The following POMZP3 variants were observed in gnomAD, a reference collection of about 807,000 sequenced individuals.
POMZP3 encodes the protein POM121 and ZP3 fusion protein.
In POMZP3, 10 loss-of-function variants were observed where a neutral mutation model predicts 19.8. That is an observed-to-expected ratio of 0.51 (90% CI 0.31 to 0.86). The LOEUF (loss-of-function observed/expected upper bound fraction) is 0.86. POMZP3 is among the 40% of genes least tolerant of loss of function. The pLI is 0.04. For synonymous variants in POMZP3, 57 were observed against 85.8 expected (o/e 0.66, Z 1.85); for missense variants, 152 against 228.1 (o/e 0.67, Z 2.15).
intron 3 of POMZP3, chr7:76,621,402 C>G (rs911147707): frequency 2.0e-5 from 3 of 146,450 alleles, no homozygotes; most frequent in African/African-American, 7.8e-5. Context: ...GGTTCTACAT[C>G]AGAACCTTCA....
Position 76,626,001 on chromosome 7 carries a change from T to C in POMZP3, c.64A>G (p.Ile22Val). 1 of 1,613,828 alleles carries C rather than the reference T, an allele frequency of 6.2e-7. No individual in the cohort carries two copies. The highest frequency in any genetic ancestry group is 8.5e-7 in the Non-Finnish European group (1 of 1,179,764). Residue 22 changes from isoleucine (I) to valine (V), a missense_variant and splice_region_variant, in exon 2 of 7, where the codon ATA (isoleucine) becomes GTA (valine). Physicochemically the swap from Ile to Val is conservative, Grantham distance 29. Around this residue, in one of 4 missense-constraint regions of POMZP3, gnomAD observed 70 missense variants for 64.1 expected, o/e 1.09. Coordinates refer to ENST00000310842, the MANE Select transcript of POMZP3 (RefSeq NM_012230.5). ...TATTCTTCCAACGATAATACTCACA[T>C]CGCAGAACGCGAAAATCTTCTGTCA... ...PPDRRFSRSA[I>V]PEQIISSTLS...
intron 3 of POMZP3, among the ~76,000 whole-genome samples, chr7:76,623,812 GAA>G (rs940858165): frequency 9.9e-5 from 15 of 151,798 alleles, no homozygotes; most frequent in Middle Eastern, 3.4e-3. Flanking sequence ...CAAAAAAAAA[GAA>G]AGAGAGAGAG....
chr7:76,611,934 C>G, intron 4 of POMZP3, 121 bp from the exon 5 acceptor site: 4 of 1,527,122 alleles, frequency 2.6e-6, no homozygotes, highest in Middle Eastern at 2.4e-4. Context: ...TGCGATGGCA[C>G]ACACCTATAA....
chr7:76,619,125 G>A lies in POMZP3; in HGVS notation c.228-825C>T, dbSNP rs1754211. Among the ~76,000 whole-genome samples, 204 of 152,082 alleles carry A rather than the reference G, an allele frequency of 1.3e-3. 2 individuals are homozygous for A. Among genetic ancestry groups the A allele is most frequent in the Middle Eastern group, 3.4e-3 (1 of 294 alleles). Reference sequence around the variant, plus strand: ...ATTTAGAGAGGGCTGTCAGCTGGGCGCAGTGGCTCATGCCTCTAATCCCAG... The same window carrying A: ...ATTTAGAGAGGGCTGTCAGCTGGGCACAGTGGCTCATGCCTCTAATCCCAG... On this transcript the variant is annotated intron_variant, in intron 3 of 6. Coordinates refer to ENST00000310842, the MANE Select transcript of POMZP3 (RefSeq NM_012230.5).
At position 76,611,544 on chromosome 7, in the gene POMZP3, T is replaced by C. The variant is rs1354505365; in HGVS notation, c.485A>G (p.Lys162Arg). 2.5e-6 allele frequency: 4 copies of C among 1,604,708 alleles called. No individual in the cohort carries two copies. In the Admixed American group the frequency reaches 6.7e-5, roughly 27 times the overall value. The change falls in exon 6 of 7, where the codon AAA becomes AGA. Residue 162 changes from lysine (K) to arginine (R), a missense_variant. Lys to Arg is a conservative substitution (Grantham distance 26). Transcript: ENST00000310842. ...GLADICQCCN[K>R]GDCGTPSHSR... Reference sequence around the variant, plus strand: ...ATGGCTTGGAGTGCCACAGTCACCTTTGTTACAGCATTGACAGATGTCAGC... The same window carrying C: ...ATGGCTTGGAGTGCCACAGTCACCTCTGTTACAGCATTGACAGATGTCAGC...
In POMZP3 at chr7:76,626,785, C is replaced by T. The variant is rs904732365; in HGVS notation, c.-229G>A. ...AAAAGTGGTGAACGCGATGGGTCGGCGGGGAGGGCGGTGTGGAGCGCGGCG... is the reference window on the plus strand; with the variant it reads ...AAAAGTGGTGAACGCGATGGGTCGGTGGGGAGGGCGGTGTGGAGCGCGGCG... On this transcript the variant is annotated 5_prime_UTR_variant, in exon 1 of 7. Coordinates refer to ENST00000310842, the MANE Select transcript of POMZP3 (RefSeq NM_012230.5). The T allele has an allele frequency of 1.6e-5, 16 of 981,706 alleles. No individual in the cohort carries two copies. In the African/African-American group the frequency reaches 4.5e-4, roughly 28 times the overall value. 60.8% of individuals were successfully genotyped at this position (981,706 alleles called of 1,614,324 possible).
chr7:76,626,189 A>C lies in POMZP3; in HGVS notation c.-125T>G. The C allele has an allele frequency of 6.4e-7, 1 of 1,571,512 alleles. No homozygotes were observed. The highest frequency in any genetic ancestry group is 8.6e-7 in the Non-Finnish European group (1 of 1,157,390). On this transcript the variant is annotated 5_prime_UTR_variant, in exon 2 of 7. Coordinates refer to ENST00000310842, the MANE Select transcript of POMZP3 (RefSeq NM_012230.5). ...ATAGCGTCTTCGAGGTGTTATTACA[A>C]ACCGATCTGGTAAAGTCCCACGATC...
At position 76,612,925 on chromosome 7, in the gene POMZP3, T is replaced by G. The variant is rs1412297952; in HGVS notation, c.346-1112A>C. 4.8e-5 allele frequency among the ~76,000 whole-genome samples: 4 copies of G among 83,326 alleles called. 1 individual carries two copies. The highest frequency in any genetic ancestry group is 2.5e-4 in the African/African-American group (4 of 15,726). The allele number at this position is 83,326 out of a possible 152,430, so 54.7% of individuals were successfully genotyped here. A position where few individuals can be genotyped will look rare whatever the true frequency, so the allele number is the denominator to read the frequency against. ...AGACTTAAGAGGTTTTTTTTTTGTTTTTTTTTTTTGAGGTGGAGTCTTGCT... is the reference window on the plus strand; with the variant it reads ...AGACTTAAGAGGTTTTTTTTTTGTTGTTTTTTTTTGAGGTGGAGTCTTGCT... On this transcript the variant is annotated intron_variant, in intron 4 of 6. Coordinates refer to ENST00000310842, the MANE Select transcript of POMZP3 (RefSeq NM_012230.5).
chr7:76,625,816 G>C, intron 2 of POMZP3, 133 bp from the exon 3 acceptor site: 2 of 1,380,750 alleles, frequency 1.4e-6, no homozygotes, highest in East Asian at 2.4e-5. Context: ...AGCAAGTAAA[G>C]CTACTTTTTC....
intron 3 of POMZP3, among the ~76,000 whole-genome samples, chr7:76,624,046 AAG>A (rs1450566186): frequency 5.9e-5 from 8 of 136,360 alleles, no homozygotes; most frequent in East Asian, 2.0e-4. Context: ...AAGTTGAAAA[AAG>A]AGTAATTTTT....
At chr7:76,625,372 G>A (rs1309851005) in intron 3 of POMZP3, 150 bp downstream of exon 3, 2 of 1,272,688 alleles carry the variant, frequency 1.6e-6, no homozygotes, top group African/African-American at 3.0e-5. Flanking sequence ...TAAAACCCCT[G>A]TTATTAGGTT....
chr7:76,626,531 C>A, intron 1 of POMZP3, 177 bp downstream of exon 1: 1 of 621,156 alleles, frequency 1.6e-6, no homozygotes, highest in Non-Finnish European at 2.7e-6. Context: ...GGCAACACAT[C>A]TCACACCAAG....
intron 3 of POMZP3, chr7:76,618,567 G>A (rs1311265678): frequency 2.2e-6 from 1 of 457,684 alleles, no homozygotes; most frequent in Non-Finnish European, 4.0e-6. Context: ...GGTGTAGTGA[G>A]CCAAAATTGC....
intron 4 of POMZP3, among the ~76,000 whole-genome samples, chr7:76,617,075 A>G: frequency 1.0e-5 from 1 of 96,974 alleles, no homozygotes. Flanking sequence ...CAGGAGAATC[A>G]CTTGAACCTG....
In POMZP3 at chr7:76,626,820, C is replaced by G. The variant is rs1431851526; in HGVS notation, c.-264G>C. ...GGTGTGGAGCGCGGCGCCGGGCGGG[C>G]GGGCGGCGGCCAGGCCTATTCCGCA... On this transcript the variant is annotated 5_prime_UTR_variant, in exon 1 of 7. Coordinates refer to ENST00000310842, the MANE Select transcript of POMZP3 (RefSeq NM_012230.5). 82 of 741,096 alleles carry G rather than the reference C, an allele frequency of 1.1e-4. No homozygotes were observed. Among genetic ancestry groups the G allele is most frequent in the Middle Eastern group, 4.6e-4 (1 of 2,174 alleles). 45.9% of individuals were successfully genotyped at this position (741,096 alleles called of 1,614,324 possible). A position where few individuals can be genotyped will look rare whatever the true frequency, so the allele number is the denominator to read the frequency against.
At chr7:76,619,037 C>G (rs1418477664) in intron 3 of POMZP3, among the ~76,000 whole-genome samples, 1 of 152,170 alleles carries the variant, frequency 6.6e-6, no homozygotes, top group African/African-American at 2.4e-5. Context: ...TTCCTCTTGT[C>G]TCAGCCTCCT....
chr7:76,614,721 A>G (rs1638141), intron 4 of POMZP3, among the ~76,000 whole-genome samples: 1,642 of 76,380 alleles, frequency 0.021, 244 homozygotes, highest in African/African-American at 0.12. Flanking sequence ...TTAGCCAGGC[A>G]TGGTGATTGA....
rs1013070389 is a variant in POMZP3, at chr7:76,627,245, G to A, written c.-689C>T. The A allele has an allele frequency of 2.7e-5, 37 of 1,380,312 alleles. 2 individuals are homozygous for A. Among genetic ancestry groups the A allele is most frequent in the African/African-American group, 1.2e-4 (8 of 67,222 alleles). The allele number at this position is 1,380,312 out of a possible 1,614,324, so 85.5% of individuals were successfully genotyped here. A position where few individuals can be genotyped will look rare whatever the true frequency, so the allele number is the denominator to read the frequency against. On this transcript the variant is annotated 5_prime_UTR_variant, in exon 1 of 7. Coordinates refer to ENST00000310842, the MANE Select transcript of POMZP3 (RefSeq NM_012230.5). ...GCCTGCTCCAGCCGCCGCAGCCGCC[G>A]GAGACATCGCGGCTCCGCGCCGCGG...
At chr7:76,619,023 C>G (rs1179837576) in intron 3 of POMZP3, among the ~76,000 whole-genome samples, 1 of 152,144 alleles carries the variant, frequency 6.6e-6, no homozygotes, top group East Asian at 1.9e-4. Context: ...CCTGGGCTCA[C>G]GCATTCCTCT....
Sources: gnomAD v4.1 joint callset for allele counts (sites outside exome capture counted in the v4.1 genomes callset) on GRCh38, gnomAD v4.1.1 for gene constraint, gnomAD v4.1.1 regional missense constraint, MANE v1.5 for transcripts, NCBI Gene and HGNC (gene_info 2026-07-23, HGNC 2026-07-21) for gene names.